Variants in C10orf143 observed in about 807,000 individuals in gnomAD.
The protein encoded by C10orf143 is uncharacterized protein C10orf143.
At chr10:130,096,038 T>G (rs2134797644) in intron 1 of C10orf143, among the ~76,000 whole-genome samples, 1 of 152,074 alleles carries the variant, frequency 6.6e-6, no homozygotes, top group South Asian at 2.1e-4. Context: ...TTTTGCAATC[T>G]CTCCATCTGA....
intron 1 of C10orf143, 91 bp from the exon 2 acceptor site, chr10:130,079,992 C>T: frequency 2.5e-6 from 1 of 398,088 alleles, no homozygotes; most frequent in Non-Finnish European, 4.4e-6. Context: ...GCTGCAAATA[C>T]AGACCCCTGT....
intron 1 of C10orf143, among the ~76,000 whole-genome samples, chr10:130,105,599 G>A (rs371292796): frequency 1.4e-4 from 22 of 152,028 alleles, no homozygotes; most frequent in Non-Finnish European, 3.2e-4. Flanking sequence ...GCATGGTGGC[G>A]GGCACCTGTA....
chr10:130,101,655 A>G (rs993277852), intron 1 of C10orf143, among the ~76,000 whole-genome samples: 1 of 151,690 alleles, frequency 6.6e-6, no homozygotes, highest in African/African-American at 2.4e-5. Context: ...TCATGAGGTC[A>G]GGAGATTGAG....
intron 3 of C10orf143, among the ~76,000 whole-genome samples, chr10:130,038,163 A>C (rs1860566076): frequency 6.6e-6 from 1 of 152,130 alleles, no homozygotes; most frequent in Non-Finnish European, 1.5e-5. Context: ...GGCCTCTTCC[A>C]GCAGGTACAG....
At chr10:130,074,084 G>C (rs1056176777) in intron 3 of C10orf143, among the ~76,000 whole-genome samples, 1 of 152,160 alleles carries the variant, frequency 6.6e-6, no homozygotes, top group African/African-American at 2.4e-5. Context: ...TAGGGTGTTC[G>C]AGCCTGACGC....
At chr10:130,046,288 G>C (rs75217763) in intron 3 of C10orf143, among the ~76,000 whole-genome samples, 9,341 of 152,040 alleles carry the variant, frequency 0.061, 641 homozygotes, top group East Asian at 0.22. Flanking sequence ...GGGTGGCGCA[G>C]GGCGCACTCT....
chr10:130,099,966 T>C (rs2134804916), intron 1 of C10orf143, among the ~76,000 whole-genome samples: 1 of 150,760 alleles, frequency 6.6e-6, no homozygotes, highest in African/African-American at 2.4e-5. Context: ...GGCTCTTGAG[T>C]AGCTGGGATT....
intron 1 of C10orf143, among the ~76,000 whole-genome samples, chr10:130,100,116 G>A (rs1399038221): frequency 3.3e-5 from 5 of 151,884 alleles, no homozygotes; most frequent in African/African-American, 1.2e-4. Flanking sequence ...GATTACAGGT[G>A]TGAGCCACCG....
rs1860923721 is a variant in C10orf143 at position 130,065,891 on chromosome 10, A to C, written c.298-1508T>G. 1 of 152,250 alleles carries C rather than the reference A, an allele frequency of 6.6e-6. No homozygotes were observed. The highest frequency in any genetic ancestry group is 1.5e-5 in the Non-Finnish European group (1 of 68,096). The allele number at this position is 152,250 out of a possible 1,614,324, so 9.4% of individuals were successfully genotyped here. ...GAGTCAGTGGAAGCCTGGGAGGCTC[A>C]CTTGGAGGTGCCGTGGGGTGCGCAG... On this transcript the variant is annotated intron_variant, in intron 3 of 3. Transcript: ENST00000637128. The surrounding 1 kb of genome is among the most constrained non-coding windows in gnomAD (Gnocchi z 4.2).
downstream of C10orf143, among the ~76,000 whole-genome samples, chr10:130,059,996 A>C (rs1860836812): frequency 6.6e-6 from 1 of 152,124 alleles, no homozygotes; most frequent in Non-Finnish European, 1.5e-5. Flanking sequence ...AGAGACATTG[A>C]AAAAAAGCAC....
intron 3 of C10orf143, among the ~76,000 whole-genome samples, chr10:130,058,198 C>A (rs533318912): frequency 1.3e-5 from 2 of 152,240 alleles, no homozygotes; most frequent in East Asian, 3.9e-4. Context: ...TGCATTTTAA[C>A]CAGACACCCA....
Position 130,056,998 on chromosome 10 carries a change from C to A in C10orf143, c.298-21028G>T, listed in dbSNP as rs1392204224. Among the ~76,000 whole-genome samples the A allele has an allele frequency of 6.6e-6, 1 of 152,100 alleles. No individual in the cohort carries two copies. The highest frequency in any genetic ancestry group is 1.5e-5 in the Non-Finnish European group (1 of 68,014). On this transcript the variant is annotated intron_variant and NMD_transcript_variant, in intron 3 of 5. Coordinates refer to the C10orf143 transcript ENST00000643056. The surrounding 1 kb of genome is among the most constrained non-coding windows in gnomAD (Gnocchi z 4.6). Reference sequence around the variant, plus strand: ...GATCTCCTGGGCTCAAGTGACTCTCCCACTTCAGTCTCACTACTCGCTGAA... The same window carrying A: ...GATCTCCTGGGCTCAAGTGACTCTCACACTTCAGTCTCACTACTCGCTGAA...
intron 1 of C10orf143, 68 bp downstream of exon 1, chr10:130,110,636 G>A (rs759138435): frequency 7.3e-5 from 29 of 398,322 alleles, no homozygotes; most frequent in South Asian, 1.3e-4. Context: ...CAAAAACGAG[G>A]CGCGGTGGGA....
At chr10:130,106,018 C>G in intron 1 of C10orf143, 1 of 469,998 alleles carries the variant, frequency 2.1e-6, no homozygotes, top group Non-Finnish European at 4.2e-6. Context: ...GGGGTTACTG[C>G]GGCGACCGCC....
chr10:130,076,152 A>T (rs1861113803), intron 3 of C10orf143, among the ~76,000 whole-genome samples: 1 of 152,080 alleles, frequency 6.6e-6, no homozygotes, highest in Non-Finnish European at 1.5e-5. Context: ...CTTTATAGCG[A>T]TGTGAAAATG....
intron 1 of C10orf143, among the ~76,000 whole-genome samples, chr10:130,100,913 A>C (rs1190692304): frequency 6.6e-6 from 1 of 152,272 alleles, no homozygotes; most frequent in East Asian, 1.9e-4. Context: ...GACAGAAAAA[A>C]TGTTGAAAGC....
At chr10:130,105,658 A>T (rs1861628722) in intron 1 of C10orf143, among the ~76,000 whole-genome samples, 1 of 152,134 alleles carries the variant, frequency 6.6e-6, no homozygotes, top group Non-Finnish European at 1.5e-5. Flanking sequence ...TCAACCCAGG[A>T]GGCAGAGGTT....
chr10:130,076,449 A>T (rs577513828), intron 3 of C10orf143, among the ~76,000 whole-genome samples: 2 of 152,294 alleles, frequency 1.3e-5, no homozygotes, highest in Admixed American at 1.3e-4. Flanking sequence ...TGAGAAAAAA[A>T]CAGGCAACAG....
At chr10:130,088,181 G>A (rs1276400251) in intron 1 of C10orf143, among the ~76,000 whole-genome samples, 1 of 152,100 alleles carries the variant, frequency 6.6e-6, no homozygotes, top group Admixed American at 6.5e-5. Context: ...TCAGGAGTTC[G>A]AGACCAGCCT....
Sources: allele counts gnomAD v4.1 joint callset (sites outside exome capture counted in the v4.1 genomes callset), GRCh38; gene constraint gnomAD v4.1.1; non-coding constraint Gnocchi (gnomAD v3.1); transcripts MANE v1.5; gene names NCBI Gene and HGNC (gene_info 2026-07-23, HGNC 2026-07-21).